The following BCKDHB variants were observed in gnomAD, a reference collection of about 807,000 sequenced individuals.
BCKDHB encodes the protein branched chain keto acid dehydrogenase E1 subunit beta.
A neutral mutation model predicts 48.5 loss-of-function variants in BCKDHB; 41 were observed. The observed-to-expected ratio is 0.85, with a 90% CI of 0.66 to 1.10. The LOEUF is 1.10. BCKDHB is among the 50% of genes least tolerant of loss of function. BCKDHB has a pLI of 0.00. For missense variants in BCKDHB, 496 were observed against 494.2 expected (o/e 1.00, Z -0.03); for synonymous variants, 201 against 174.8 (o/e 1.15, Z -1.18).
intron 6 of BCKDHB, among the ~76,000 whole-genome samples, chr6:80,181,433 C>T (rs139482966): frequency 6.6e-6 from 1 of 152,318 alleles, no homozygotes; most frequent in Non-Finnish European, 1.5e-5. Context: ...ACTCCTGAAA[C>T]TCAGTGGCTA....
chr6:80,176,895 A>G (rs925115977), intron 6 of BCKDHB, among the ~76,000 whole-genome samples: 2 of 152,160 alleles, frequency 1.3e-5, no homozygotes, highest in African/African-American at 4.8e-5. Context: ...CTATAAACCC[A>G]TGTAGACTTT....
At chr6:80,320,743 C>T (rs1258480238) in intron 9 of BCKDHB, among the ~76,000 whole-genome samples, 2 of 152,104 alleles carry the variant, frequency 1.3e-5, no homozygotes, top group African/African-American at 2.4e-5. Context: ...TTGCAAATGA[C>T]ATTCTAATAA....
intron 9 of BCKDHB, among the ~76,000 whole-genome samples, chr6:80,328,831 T>C (rs940420637): frequency 1.1e-4 from 17 of 152,272 alleles, no homozygotes; most frequent in African/African-American, 4.1e-4. Flanking sequence ...AAGGTTTTCC[T>C]TTACTGCCCC....
At chr6:80,142,997 C>A (rs1314119068) in intron 3 of BCKDHB, among the ~76,000 whole-genome samples, 1 of 152,056 alleles carries the variant, frequency 6.6e-6, no homozygotes. Context: ...TGAAGAGTAT[C>A]AATAAATACA....
chr6:80,333,444 A>G (rs1001100724), intron 9 of BCKDHB, among the ~76,000 whole-genome samples: 1 of 152,170 alleles, frequency 6.6e-6, no homozygotes, highest in Non-Finnish European at 1.5e-5. Flanking sequence ...TGTTCTTTGT[A>G]CACATGCACA....
intron 9 of BCKDHB, among the ~76,000 whole-genome samples, chr6:80,283,175 T>A (rs1179438276): frequency 6.6e-6 from 1 of 152,098 alleles, no homozygotes; most frequent in Non-Finnish European, 1.5e-5. Flanking sequence ...TATTGGGGTA[T>A]TCAGATTATT....
chr6:80,289,933 G>C (rs1469483399), intron 9 of BCKDHB, among the ~76,000 whole-genome samples: 5 of 152,184 alleles, frequency 3.3e-5, no homozygotes, highest in African/African-American at 4.8e-5. Flanking sequence ...CAGCTTCCCT[G>C]TGGGACTAGA....
At chr6:80,177,776 AG>A (rs1460998579) in intron 6 of BCKDHB, among the ~76,000 whole-genome samples, 9 of 152,184 alleles carry the variant, frequency 5.9e-5, no homozygotes. Context: ...AAGTAGGTAA[AG>A]GATACTAGGT....
At chr6:80,137,470 C>T (rs1433408575) in intron 3 of BCKDHB, among the ~76,000 whole-genome samples, 1 of 152,144 alleles carries the variant, frequency 6.6e-6, no homozygotes, top group Non-Finnish European at 1.5e-5. Context: ...TTCACTGCAG[C>T]CTTGAACTCT....
At chr6:80,303,552 C>T (rs1028435279) in intron 9 of BCKDHB, among the ~76,000 whole-genome samples, 1 of 151,988 alleles carries the variant, frequency 6.6e-6, no homozygotes, top group African/African-American at 2.4e-5. Flanking sequence ...AGGATACTGA[C>T]ACAATTGAAA....
intron 1 of BCKDHB, among the ~76,000 whole-genome samples, chr6:80,114,110 T>C (rs1339324440): frequency 6.6e-6 from 1 of 151,798 alleles, no homozygotes; most frequent in Admixed American, 6.6e-5. Flanking sequence ...GCATGGGAAG[T>C]TGGGGTTGGG....
At chr6:80,131,043 G>A (rs1986530) in intron 3 of BCKDHB, among the ~76,000 whole-genome samples, 1 of 152,152 alleles carries the variant, frequency 6.6e-6, no homozygotes, top group Non-Finnish European at 1.5e-5. Context: ...AAAAAATCTA[G>A]GGGTTTGTGT....
At chr6:80,226,418 A>G (rs1343513953) in intron 8 of BCKDHB, among the ~76,000 whole-genome samples, 3 of 152,200 alleles carry the variant, frequency 2.0e-5, no homozygotes, top group African/African-American at 7.2e-5. Context: ...GAGAGAGAGC[A>G]TGCATTGTCT....
At chr6:80,199,384 T>G (rs1409026663) in intron 6 of BCKDHB, among the ~76,000 whole-genome samples, 1 of 152,154 alleles carries the variant, frequency 6.6e-6, no homozygotes, top group Non-Finnish European at 1.5e-5. Context: ...TCTTCTGTCC[T>G]TTTTGAATAT....
chr6:80,406,888 T>C, the BCKDHB span, among the ~76,000 whole-genome samples: 5 of 152,220 alleles, frequency 3.3e-5, no homozygotes, highest in Non-Finnish European at 5.9e-5. Context: ...ATTTTGGCTT[T>C]TGTTGCTATT....
chr6:80,405,486 C>T, the BCKDHB span, among the ~76,000 whole-genome samples: 1 of 151,970 alleles, frequency 6.6e-6, no homozygotes. Context: ...TTCATTCGGT[C>T]GCTATGCCTT....
At chr6:80,199,807 C>T (rs570318177) in intron 6 of BCKDHB, among the ~76,000 whole-genome samples, 1 of 130,576 alleles carries the variant, frequency 7.7e-6, no homozygotes, top group East Asian at 2.3e-4. Flanking sequence ...AGGCCGGGCA[C>T]ATGCCTGTAA....
intron 3 of BCKDHB, among the ~76,000 whole-genome samples, chr6:80,133,188 G>A (rs949658909): frequency 6.6e-6 from 1 of 152,218 alleles, no homozygotes; most frequent in African/African-American, 2.4e-5. Context: ...GCCAGCACTT[G>A]AACTGCTGCA....
At chr6:80,415,482 G>C in the BCKDHB span, among the ~76,000 whole-genome samples, 2 of 152,060 alleles carry the variant, frequency 1.3e-5, no homozygotes, top group Admixed American at 6.6e-5. Context: ...TAACATGAAG[G>C]GGTGTTGAAT....
Sources: gnomAD v4.1 joint callset for allele counts (sites outside exome capture counted in the v4.1 genomes callset) on GRCh38, gnomAD v4.1.1 for gene constraint, MANE v1.5 for transcripts, NCBI Gene and HGNC (gene_info 2026-07-23, HGNC 2026-07-21) for gene names.